Variants in CAD observed in about 807,000 individuals in gnomAD.
The protein encoded by CAD is multifunctional protein CAD.
A neutral mutation model predicts 237.2 loss-of-function variants in CAD; 81 were observed. The ratio of observed to expected loss-of-function variants is 0.34; its 90% confidence interval spans 0.29 to 0.41. The LOEUF is 0.41. Ranked by LOEUF, CAD falls within the 10% of genes least tolerant of loss-of-function variation. The probability of loss-of-function intolerance (pLI) is 1.00; values close to 1 mark genes in which losing one functional copy is unlikely to be tolerated. For synonymous variants in CAD, 1,196 were observed against 1,162.8 expected (o/e 1.03, Z -0.58); for missense variants, 2,181 against 2,951.7 (o/e 0.74, Z 6.05).
In CAD at chr2:27,217,465, C is replaced by G. The variant is rs1485504138; in HGVS notation, c.-87C>G. ...GCGCCGTTAGCCACGTGGACCGACT[C>G]CGGCGCGCCGTCCTCACGTGGTTCC... is the stretch of plus-strand genomic sequence containing the variant. On this transcript the variant is annotated 5_prime_UTR_variant, in exon 1 of 44. Transcript: ENST00000264705. 3.3e-6 allele frequency: 4 copies of G among 1,197,832 alleles called. No individual in the cohort carries two copies. Among genetic ancestry groups the G allele is most frequent in the African/African-American group, 1.5e-5 (1 of 65,856 alleles). The allele number at this position is 1,197,832 out of a possible 1,614,324, so 74.2% of individuals were successfully genotyped here.
intron 2 of CAD, among the ~76,000 whole-genome samples, chr2:27,219,109 T>A (rs1297905734): frequency 6.6e-6 from 1 of 152,208 alleles, no homozygotes; most frequent in Non-Finnish European, 1.5e-5. Context: ...CTGATTAGGA[T>A]CAGGGTGGGA....
rs1282940411 is a variant in CAD, at chr2:27,232,940, TG to T, written c.2893-100del. 6.9e-6 allele frequency: 6 copies of T among 867,060 alleles called. No homozygotes were observed. The African/African-American group carries it at 9.9e-5, about 14-fold the overall frequency. 53.7% of individuals were successfully genotyped at this position (867,060 alleles called of 1,614,324 possible). On this transcript the variant is annotated intron_variant, in intron 18 of 43. Transcript: ENST00000264705. This position sits in a 1 kb window ranked among gnomAD's most constrained non-coding sequence, Gnocchi z 4.1. Reference sequence around the variant, plus strand: ...ACAGCTCTTTCAGAGGAAGCTGTGCTGGCAGTCTCTGAAGTAGGGGCTTTGG... The same window carrying T: ...ACAGCTCTTTCAGAGGAAGCTGTGCTGCAGTCTCTGAAGTAGGGGCTTTGG...
chr2:27,236,675 A>G lies in CAD; in HGVS notation c.4315-74A>G, dbSNP rs1558540591. 7.1e-6 allele frequency: 11 copies of G among 1,557,800 alleles called. No homozygotes were observed. Among genetic ancestry groups the G allele is most frequent in the African/African-American group, 2.7e-5 (2 of 73,756 alleles). On this transcript the variant is annotated intron_variant, in intron 26 of 43. Coordinates refer to ENST00000264705, the MANE Select transcript of CAD (RefSeq NM_004341.5). This position sits in a 1 kb window ranked among gnomAD's most constrained non-coding sequence, Gnocchi z 4.1. ...GTATAGAGTGTGCAGAGCCTGGTTT[A>G]TGGGAAAACCACATCTCTCCCTACA...
Position 27,219,526 on chromosome 2 carries a change from G to T in CAD, c.222+1510G>T, listed in dbSNP as rs779391534. Among the ~76,000 whole-genome samples the T allele has an allele frequency of 6.5e-4, 99 of 152,014 alleles. 1 individual carries two copies. Among genetic ancestry groups the T allele is most frequent in the Admixed American group, 1.1e-3 (17 of 15,284 alleles). ...CCTGGCTACTTTTTTTGTATTTTTT[G>T]TAGAGACCGGGTATTGTCACATTGC... On this transcript the variant is annotated intron_variant, in intron 2 of 43. Transcript: ENST00000264705.
chr2:27,224,927 A>T (rs372581198), intron 10 of CAD, 51 bp downstream of exon 10: 1 of 1,612,820 alleles, frequency 6.2e-7, no homozygotes, highest in African/African-American at 1.3e-5. Flanking sequence ...AGGGGGGCCC[A>T]GTGGTCACTG....
chr2:27,241,279 G>A lies in CAD; in HGVS notation c.5809-43G>A, dbSNP rs771244446. On this transcript the variant is annotated intron_variant, in intron 37 of 43. Coordinates refer to ENST00000264705, the MANE Select transcript of CAD (RefSeq NM_004341.5). The surrounding 1 kb of genome is among the most constrained non-coding windows in gnomAD (Gnocchi z 4.6). The stretch of plus-strand genomic sequence containing the variant: ...ACCCAGAGCTTTGAGGATTTGGAAA[G>A]CTGGGGCTAGGACCTTTCTAGCTAA... The A allele has an allele frequency of 6.2e-7, 1 of 1,613,872 alleles. No individual in the cohort carries two copies. The highest frequency in any genetic ancestry group is 1.3e-5 in the African/African-American group (1 of 74,930).
In CAD at chr2:27,232,474, G is replaced by A. The variant is rs1410582768; in HGVS notation, c.2672G>A (p.Arg891His). The part of the protein sequence containing the change: ...LSTELAVRKL[R>H]QELGICPAVK... Reference sequence around the variant, plus strand: ...ACAGAGCTGGCTGTTCGCAAGCTGCGTCAGGAACTGGGGATCTGTCCAGCA... The same window carrying A: ...ACAGAGCTGGCTGTTCGCAAGCTGCATCAGGAACTGGGGATCTGTCCAGCA... The change falls in exon 18 of 44, where the codon CGT (arginine) becomes CAT (histidine). Residue 891 changes from arginine (R) to histidine (H), a missense_variant. Physicochemically the swap from Arg to His is conservative, Grantham distance 29 (BLOSUM62 0). Transcript: ENST00000264705. The surrounding 1 kb of genome is among the most constrained non-coding windows in gnomAD (Gnocchi z 4.1). The A allele has an allele frequency of 5.6e-6, 9 of 1,614,184 alleles. No individual in the cohort carries two copies. Among genetic ancestry groups the A allele is most frequent in the Non-Finnish European group, 6.8e-6 (8 of 1,180,036 alleles).
In CAD at chr2:27,222,674, G is replaced by C. The variant is rs757471535; in HGVS notation, c.637+14G>C. On this transcript the variant is annotated intron_variant, in intron 5 of 43. Transcript: ENST00000264705. ...TAGACAGCCAAGGTGAGTAGCTGGG[G>C]CCTGTTCAGGGCCTCAGACAAGCAG... 5 of 1,610,222 alleles carry C rather than the reference G, an allele frequency of 3.1e-6. No individual in the cohort carries two copies. The highest frequency in any genetic ancestry group is 1.7e-4 in the Middle Eastern group (1 of 6,044).
chr2:27,223,074 T>C, intron 6 of CAD, 37 bp downstream of exon 6: 2 of 1,601,110 alleles, frequency 1.2e-6, no homozygotes, highest in Non-Finnish European at 1.7e-6. Flanking sequence ...CCCATACTTG[T>C]GGCATGAGGG....
rs765417972 is a variant in CAD at position 27,238,178 on chromosome 2, G to A, written c.4851G>A (p.Arg1617=). The part of the protein sequence containing the change: ...QRSVHICHVA[R]KEEILLIKAA... Reference sequence around the variant, plus strand: ...CAGTGCACATATGTCACGTGGCACGGAAGGAGGAGGTAAGAGTACACCTGA... The same window carrying A: ...CAGTGCACATATGTCACGTGGCACGAAAGGAGGAGGTAAGAGTACACCTGA... The change falls in exon 30 of 44, where the codon CGG becomes CGA. Residue 1617 remains arginine, a synonymous_variant. Coordinates refer to ENST00000264705, the MANE Select transcript of CAD (RefSeq NM_004341.5). 6.2e-7 allele frequency: 1 copy of A among 1,614,050 alleles called. No homozygotes were observed. The highest frequency in any genetic ancestry group is 1.7e-5 in the Admixed American group (1 of 60,010).
Position 27,237,962 on chromosome 2 carries a change from A to T in CAD, c.4728+80A>T. ...GCCCCTGCCTAAGTGGGCTGGTAGC[A>T]GTGAGGATTCAGGGGAGCTCCTGGG... On this transcript the variant is annotated intron_variant, in intron 29 of 43. Transcript: ENST00000264705. This position sits in a 1 kb window ranked among gnomAD's most constrained non-coding sequence, Gnocchi z 4.0. 1 of 1,578,508 alleles carries T rather than the reference A, an allele frequency of 6.3e-7. No homozygotes were observed. The highest frequency in any genetic ancestry group is 8.6e-7 in the Non-Finnish European group (1 of 1,159,460).
chr2:27,234,773 G>GCA, intron 23 of CAD, 88 bp downstream of exon 23: 1 of 1,272,286 alleles, frequency 7.9e-7, no homozygotes, highest in Non-Finnish European at 1.1e-6. Flanking sequence ...TGTAAACCAG[G>GCA]CACTGACTGC....
In CAD at chr2:27,243,224, C is replaced by T. The variant is rs1260996317; in HGVS notation, c.6507C>T (p.Pro2169=). The T allele has an allele frequency of 6.2e-7, 1 of 1,613,874 alleles. No individual in the cohort carries two copies. Among genetic ancestry groups the T allele is most frequent in the African/African-American group, 1.3e-5 (1 of 74,826 alleles). ...EACFGQFILT[P]HIMTRAKKKM... ...GCTTTGGTCAGTTCATCCTCACTCC[C>T]CACATCATGACCCGGGCCAAGAAGA... The change falls in exon 43 of 44, where the codon CCC becomes CCT. Residue 2169 remains proline, a synonymous_variant. Coordinates refer to ENST00000264705, the MANE Select transcript of CAD (RefSeq NM_004341.5).
intron 6 of CAD, 97 bp from the exon 7 acceptor site, chr2:27,223,466 A>G (rs1398223281): frequency 6.1e-6 from 6 of 990,654 alleles, no homozygotes; most frequent in Non-Finnish European, 9.1e-6. Flanking sequence ...AACAGGAGTG[A>G]GGCTACTGAG....
chr2:27,217,457 G>T lies in CAD; in HGVS notation c.-95G>T. On this transcript the variant is annotated 5_prime_UTR_variant, in exon 1 of 44. Transcript: ENST00000264705. ...AGCGCCCCGCGCCGTTAGCCACGTGGACCGACTCCGGCGCGCCGTCCTCAC... is the reference window on the plus strand; with the variant it reads ...AGCGCCCCGCGCCGTTAGCCACGTGTACCGACTCCGGCGCGCCGTCCTCAC... 9.0e-7 allele frequency: 1 copy of T among 1,108,924 alleles called. No individual in the cohort carries two copies. The highest frequency in any genetic ancestry group is 2.6e-5 in the East Asian group (1 of 38,502). 68.7% of individuals were successfully genotyped at this position (1,108,924 alleles called of 1,614,324 possible). A position where few individuals can be genotyped will look rare whatever the true frequency, so the allele number is the denominator to read the frequency against.
At position 27,240,579 on chromosome 2, in the gene CAD, G is replaced by A. The variant is rs771472522; in HGVS notation, c.5593+218G>A. 4.7e-5 allele frequency: 72 copies of A among 1,545,662 alleles called. No homozygotes were observed. Among genetic ancestry groups the A allele is most frequent in the Middle Eastern group, 1.7e-4 (1 of 5,978 alleles). On this transcript the variant is annotated intron_variant, in intron 35 of 43. Coordinates refer to ENST00000264705, the MANE Select transcript of CAD (RefSeq NM_004341.5). The surrounding 1 kb of genome is among the most constrained non-coding windows in gnomAD (Gnocchi z 4.6). ...TTGTTGTGGGCAGCTGTGTTCCTCC[G>A]CCCAGGAGCTGGGATCCCACGGGGC...
Position 27,217,594 on chromosome 2 carries a change from C to G in CAD, c.43C>G (p.Gln15Glu), listed in dbSNP as rs1558524067. The change falls in exon 1 of 44, where the codon CAG (glutamine) becomes GAG (glutamate). Residue 15 changes from glutamine (Q) to glutamate (E), a missense_variant. By Grantham distance (29) the Gln-to-Glu change is conservative (BLOSUM62 2). Around this residue, in one of 12 missense-constraint regions of CAD, gnomAD observed 314 missense variants for 339.4 expected, o/e 0.93. Transcript: ENST00000264705. ...GGAGGACGGGTCGGTCCTGCGGGGC[C>G]AGCCCTTTGGGGCCGCCGTGTCGAC... The part of the protein sequence containing the change: ...VLEDGSVLRG[Q>E]PFGAAVSTAG... 3.1e-6 allele frequency: 5 copies of G among 1,609,038 alleles called. No individual in the cohort carries two copies. Among genetic ancestry groups the G allele is most frequent in the Non-Finnish European group, 3.4e-6 (4 of 1,178,176 alleles).
At position 27,243,415 on chromosome 2, in the gene CAD, G is replaced by A; in HGVS notation, c.6576-1G>A. 6.9e-7 allele frequency: 1 copy of A among 1,458,558 alleles called. No individual in the cohort carries two copies. The highest frequency in any genetic ancestry group is 9.3e-7 in the Non-Finnish European group (1 of 1,071,260). The allele number at this position is 1,458,558 out of a possible 1,614,324, so 90.4% of individuals were successfully genotyped here. A position where few individuals can be genotyped will look rare whatever the true frequency, so the allele number is the denominator to read the frequency against. ...CTTTTTTTTTTTTTTTTTTTTTGCA[G>A]CGTGGAAGTGGACTCGGATCCCCGC... On this transcript the variant is annotated splice_acceptor_variant, in intron 43 of 43. Transcript: ENST00000264705. LOFTEE classifies it high-confidence loss of function.
chr2:27,237,126 C>T lies in CAD; in HGVS notation c.4397-253C>T, dbSNP rs1281691916. On this transcript the variant is annotated intron_variant, in intron 27 of 43. Transcript: ENST00000264705. This position sits in a 1 kb window ranked among gnomAD's most constrained non-coding sequence, Gnocchi z 4.0. ...GCAACCTCCGCCTCCCAGGTTCAAGCGATTTTCCTGCCTCAGCCTCCCAAG... is the reference window on the plus strand; with the variant it reads ...GCAACCTCCGCCTCCCAGGTTCAAGTGATTTTCCTGCCTCAGCCTCCCAAG... Among the ~76,000 whole-genome samples the T allele has an allele frequency of 6.7e-6, 1 of 150,224 alleles. No individual in the cohort carries two copies. The highest frequency in any genetic ancestry group is 1.5e-5 in the Non-Finnish European group (1 of 67,856).
Sources: allele counts gnomAD v4.1 joint callset (sites outside exome capture counted in the v4.1 genomes callset), GRCh38; gene constraint gnomAD v4.1.1; regional missense constraint gnomAD v4.1.1; non-coding constraint Gnocchi (gnomAD v3.1); transcripts MANE v1.5; gene names NCBI Gene and HGNC (gene_info 2026-07-23, HGNC 2026-07-21).